The following TONSL variants were observed in gnomAD, a reference collection of about 807,000 sequenced individuals.
The protein encoded by TONSL is tonsoku like, DNA repair protein.
In TONSL, 112 loss-of-function variants were observed where a neutral mutation model predicts 147.1. The observed-to-expected ratio is 0.76, with a 90% confidence interval of 0.65 to 0.89. The LOEUF is 0.89. Ranked by LOEUF, TONSL falls within the 40% of genes least tolerant of loss-of-function variation. TONSL has a pLI of 0.00. For missense variants in TONSL, 1,883 were observed against 1,864.6 expected (o/e 1.01, Z -0.18); for synonymous variants, 868 against 801.5 (o/e 1.08, Z -1.40).
Position 144,432,311 on chromosome 8 carries a change from C to G in TONSL, c.3709G>C (p.Glu1237Gln), listed in dbSNP as rs1181093901. 1 of 1,613,676 alleles carries G rather than the reference C, an allele frequency of 6.2e-7. No homozygotes were observed. Among genetic ancestry groups the G allele is most frequent in the Non-Finnish European group, 8.5e-7 (1 of 1,179,954 alleles). Residue 1237 changes from glutamate to glutamine, a missense_variant, in exon 23 of 26, where the codon GAG becomes CAG. Coordinates refer to ENST00000409379, the MANE Select transcript of TONSL (RefSeq NM_013432.5). ...AAGKGDSDLM[E>Q]PVFRYLAKEG... ...TTGGCCAGGTATCGGAATACAGGCT[C>G]CATGAGGTCCGAATCACCCTTGCCG...
At chr8:144,441,217 C>A (rs1002818663) in intron 7 of TONSL, 106 bp from the exon 8 acceptor site, 14 of 1,446,378 alleles carry the variant, frequency 9.7e-6, no homozygotes, top group East Asian at 2.5e-5. Context: ...TCTCTCCACA[C>A]CTCTGCCTGC....
In TONSL at chr8:144,433,772, CA is replaced by C. The variant is rs1485028958; in HGVS notation, c.3388-14del. ...GCTCCTCCAAACTCTGTGGAAGACA[CA>C]GGCTGGCAGTGAGCCCCCAGCAGTC... On this transcript the variant is annotated splice_polypyrimidine_tract_variant and intron_variant, in intron 21 of 25. Transcript: ENST00000409379. The C allele has an allele frequency of 6.4e-7, 1 of 1,551,072 alleles. No individual in the cohort carries two copies. The highest frequency in any genetic ancestry group is 8.7e-7 in the Non-Finnish European group (1 of 1,149,448).
chr8:144,440,854 A>C lies in TONSL; in HGVS notation c.1028T>G (p.Leu343Arg), dbSNP rs1823690284. 1 of 1,612,666 alleles carries C rather than the reference A, an allele frequency of 6.2e-7. No individual in the cohort carries two copies. The highest frequency in any genetic ancestry group is 1.7e-5 in the Admixed American group (1 of 59,990). The change falls in exon 9 of 26, where the codon CTG (leucine) becomes CGG (arginine). Residue 343 changes from leucine (L) to arginine (R), a missense_variant. Leu to Arg is a moderately radical substitution (Grantham distance 102). Transcript: ENST00000409379. ...AYQKQLRFAE[L>R]LDRPGAERAI... is the part of the protein sequence containing the mutation. ...CCGCTCAGCACCCGGTCTGTCCAGC[A>C]GCTCAGCAAAACGCAGCTGGGGGCA...
At chr8:144,429,475 GA>G in intron 25 of TONSL, 139 bp from the exon 26 acceptor site, 1 of 730,572 alleles carries the variant, frequency 1.4e-6, no homozygotes, top group East Asian at 3.4e-5. Context: ...GAGCTCCGGA[GA>G]GGCCCCATGA....
intron 23 of TONSL, among the ~76,000 whole-genome samples, 194 bp downstream of exon 23, chr8:144,432,091 A>G (rs13275214): frequency 0.52 from 78,155 of 151,754 alleles, 20,257 homozygotes; most frequent in Middle Eastern, 0.63. Context: ...CTCCCAAAGT[A>G]CTGGGATTAC....
At position 144,444,379 on chromosome 8, in the gene TONSL, G is replaced by A. The variant is rs1823830674; in HGVS notation, c.25+11C>T. ...CGCGCCCCCGGAGGAAGGGGTCCCC[G>A]AGGAACTTACGGCGAAGCTCGCGCT... is the stretch of plus-strand genomic sequence containing the variant. On this transcript the variant is annotated intron_variant, in intron 1 of 25. Transcript: ENST00000409379. 1.6e-6 allele frequency: 2 copies of A among 1,277,086 alleles called. No individual in the cohort carries two copies. Among genetic ancestry groups the A allele is most frequent in the African/African-American group, 1.6e-5 (1 of 64,454 alleles). The allele number at this position is 1,277,086 out of a possible 1,614,324, so 79.1% of individuals were successfully genotyped here.
At chr8:144,438,294 C>T (rs1483728421) in intron 13 of TONSL, 177 bp downstream of exon 13, 3 of 638,462 alleles carry the variant, frequency 4.7e-6, no homozygotes, top group Non-Finnish European at 5.5e-6. Flanking sequence ...CTCAATCTCC[C>T]TCCCAGGATG....
rs1215865689 is a variant in TONSL, at chr8:144,436,200, C to T, written c.2233G>A (p.Glu745Lys). The stretch of plus-strand genomic sequence containing the variant: ...GCGGGGCCTGCGCTGTCCTCGCCTT[C>T]TGAGCTGCTGCTGCTGCTGGCTGGC... The part of the protein sequence containing the change: ...HGPASSSSSS[E>K]GEDSAGPARP... The change falls in exon 17 of 26, where the codon GAA (glutamate) becomes AAA (lysine). Residue 745 changes from glutamate (E) to lysine (K), a missense_variant. Glu to Lys is a moderately conservative substitution (Grantham distance 56). Coordinates refer to ENST00000409379, the MANE Select transcript of TONSL (RefSeq NM_013432.5). 4 of 1,569,282 alleles carry T rather than the reference C, an allele frequency of 2.5e-6. No homozygotes were observed. Among genetic ancestry groups the T allele is most frequent in the Admixed American group, 3.5e-5 (2 of 57,158 alleles).
At chr8:144,439,628 C>T (rs909211815) in intron 11 of TONSL, among the ~76,000 whole-genome samples, 10 of 152,246 alleles carry the variant, frequency 6.6e-5, no homozygotes, top group African/African-American at 4.8e-5. Context: ...GCCTGCCCTC[C>T]GTGCAGCTGA....
In TONSL at chr8:144,429,203, C is replaced by T. The variant is rs1298652009; in HGVS notation, c.4077G>A (p.Arg1359=). 3.7e-5 allele frequency: 57 copies of T among 1,534,638 alleles called. No homozygotes were observed. The highest frequency in any genetic ancestry group is 4.5e-5 in the Non-Finnish European group (52 of 1,144,790). The part of the protein sequence containing the change: ...RDALRQLQPS[R]PGPGECTLDH... ...CCAGCGTGCACTCGCCGGGGCCCGG[C>T]CGACTGGGCTGCAGCTGGCGCAGGG... Residue 1359 remains arginine, a synonymous_variant, in exon 26 of 26, where the codon CGG becomes CGA. Transcript: ENST00000409379.
chr8:144,443,059 AG>A, intron 4 of TONSL, 78 bp downstream of exon 4: 7 of 1,476,868 alleles, frequency 4.7e-6, no homozygotes, highest in Non-Finnish European at 6.4e-6. Flanking sequence ...GGATTGCCCA[AG>A]GAGGCTGCGG....
Position 144,439,011 on chromosome 8 carries a change from C to T in TONSL, c.1481-276G>A, listed in dbSNP as rs559109222. On this transcript the variant is annotated intron_variant, in intron 11 of 25. Transcript: ENST00000409379. ...TCTGCCCTAACCCACGCCTGGCCCT[C>T]CCACAGAAGGCCTGCCCGAGGCCCC... 1.1e-4 allele frequency among the ~76,000 whole-genome samples: 16 copies of T among 152,248 alleles called. No individual in the cohort carries two copies. In the East Asian group the frequency reaches 3.1e-3, roughly 29 times the overall value.
rs1234276201 is a variant in TONSL, at chr8:144,435,955, C to T, written c.2478G>A (p.Pro826=). The T allele has an allele frequency of 6.4e-6, 10 of 1,561,108 alleles. No individual in the cohort carries two copies. The highest frequency in any genetic ancestry group is 5.4e-5 in the African/African-American group (4 of 73,954). The change falls in exon 17 of 26, where the codon CCG becomes CCA. Residue 826 remains proline, a synonymous_variant. Transcript: ENST00000409379. ...KALAPQAALI[P]EEECLAGDWL... ...AGTCCCCGGCCAGGCACTCCTCCTC[C>T]GGGATGAGCGCTGCCTGGGGGGCAA...
At chr8:144,440,552 T>A in intron 9 of TONSL, 76 bp from the exon 10 acceptor site, 1 of 1,530,394 alleles carries the variant, frequency 6.5e-7, no homozygotes, top group Non-Finnish European at 8.8e-7. Context: ...CTTCCCCGGC[T>A]GCCCAGACGA....
Position 144,434,819 on chromosome 8 carries a change from A to C in TONSL, c.3077T>G (p.Leu1026Arg). The change falls in exon 20 of 26, where the codon CTG (leucine) becomes CGG (arginine). Residue 1026 changes from leucine to arginine, a missense_variant. By Grantham distance (102) the Leu-to-Arg change is moderately radical (BLOSUM62 -2). Transcript: ENST00000409379. ...GCTCTCCTGGCCCTCACCTTGCCCCAGGCTCTGGCAGGCCCTGCGGTAGCG... is the reference window on the plus strand; with the variant it reads ...GCTCTCCTGGCCCTCACCTTGCCCCCGGCTCTGGCAGGCCCTGCGGTAGCG... Reference protein sequence around the residue: ...TDRYRRACQSLGQGEHQQVLQ... With the variant: ...TDRYRRACQSRGQGEHQQVLQ... The C allele has an allele frequency of 1.2e-6, 2 of 1,613,380 alleles. No homozygotes were observed. The highest frequency in any genetic ancestry group is 1.7e-6 in the Non-Finnish European group (2 of 1,179,876).
chr8:144,430,711 G>A (rs1272819532), intron 24 of TONSL, among the ~76,000 whole-genome samples, 174 bp from the exon 25 acceptor site: 3 of 152,206 alleles, frequency 2.0e-5, no homozygotes, highest in Non-Finnish European at 2.9e-5. Context: ...TCCTTCCCAG[G>A]GGTCAGGGCC....
chr8:144,433,395 G>T, intron 22 of TONSL, 193 bp downstream of exon 22: 1 of 601,294 alleles, frequency 1.7e-6, no homozygotes, highest in Non-Finnish European at 2.9e-6. Flanking sequence ...TTTTCTTAAG[G>T]GATGGGGTCT....
chr8:144,436,228 A>G lies in TONSL; in HGVS notation c.2205T>C (p.His735=), dbSNP rs756694494. The stretch of plus-strand genomic sequence containing the variant: ...AGCTGCTGCTGCTGCTGGCTGGCCC[A>G]TGCCTGCTCCTCCGAGGCCTGGCCA... ...PAMARPRRSR[H]GPASSSSSSE... Residue 735 remains histidine (H), a synonymous_variant, in exon 17 of 26, where the codon CAT becomes CAC. Coordinates refer to ENST00000409379, the MANE Select transcript of TONSL (RefSeq NM_013432.5). 62 of 1,558,152 alleles carry G rather than the reference A, an allele frequency of 4.0e-5. No homozygotes were observed. Among genetic ancestry groups the G allele is most frequent in the Non-Finnish European group, 5.3e-5 (61 of 1,155,546 alleles).
chr8:144,443,920 G>A lies in TONSL; in HGVS notation c.226C>T (p.Arg76Cys). 6.5e-7 allele frequency: 1 copy of A among 1,545,184 alleles called. No homozygotes were observed. The highest frequency in any genetic ancestry group is 8.7e-7 in the Non-Finnish European group (1 of 1,146,692). Reference protein sequence around the residue: ...CAVAHRKIGERLAEMEDYPAA... With the variant: ...CAVAHRKIGECLAEMEDYPAA... Reference sequence around the variant, plus strand: ...GGGTAGTCCTCCATCTCGGCCAGGCGCTCTCCGATCTTGCGGTGGGCCACG... The same window carrying A: ...GGGTAGTCCTCCATCTCGGCCAGGCACTCTCCGATCTTGCGGTGGGCCACG... The change falls in exon 3 of 26, where the codon CGC becomes TGC. Residue 76 changes from arginine (R) to cysteine (C), a missense_variant. Arg to Cys is a radical substitution (Grantham distance 180). Coordinates refer to ENST00000409379, the MANE Select transcript of TONSL (RefSeq NM_013432.5).
Sources: allele counts gnomAD v4.1 joint callset (sites outside exome capture counted in the v4.1 genomes callset), GRCh38; gene constraint gnomAD v4.1.1; transcripts MANE v1.5; gene names NCBI Gene and HGNC (gene_info 2026-07-23, HGNC 2026-07-21).